TNXB: variants seen among roughly 807,000 people sequenced by gnomAD.
TNXB encodes the protein tenascin-X.
Under a neutral mutation model 340.5 loss-of-function variants are expected in TNXB, and 183 were observed. The observed-to-expected ratio is 0.54, with a 90% CI of 0.48 to 0.61. TNXB has a LOEUF of 0.61. TNXB is among the 20% of genes least tolerant of loss of function. The pLI is 0.00. For missense variants in TNXB, 4,613 were observed against 5,446.4 expected (o/e 0.85, Z 4.82); for synonymous variants, 2,121 against 2,314.5 (o/e 0.92, Z 2.40).
In TNXB at chr6:32,068,541, A is replaced by G; in HGVS notation, c.6069T>C (p.Asn2023=). The G allele has an allele frequency of 6.2e-7, 1 of 1,613,922 alleles. No homozygotes were observed. The highest frequency in any genetic ancestry group is 8.5e-7 in the Non-Finnish European group (1 of 1,179,890). Residue 2023 remains asparagine, a synonymous_variant, in exon 17 of 44, where the codon AAT becomes AAC. Coordinates refer to ENST00000644971, the MANE Select transcript of TNXB (RefSeq NM_001365276.2). This position sits in a 1 kb window ranked among gnomAD's most constrained non-coding sequence, Gnocchi z 5.3. ...QFDHFLVQYR[N]GDGQPKAVRV... Reference sequence around the variant, plus strand: ...TCACTGCCTTGGGCTGCCCATCTCCATTCCTGTACTGGACCAGGAAGTGGT... The same window carrying G: ...TCACTGCCTTGGGCTGCCCATCTCCGTTCCTGTACTGGACCAGGAAGTGGT...
At position 32,068,902 on chromosome 6, in the gene TNXB, G is replaced by A. The variant is rs1778573608; in HGVS notation, c.5822C>T (p.Ser1941Phe). 9.9e-6 allele frequency: 16 copies of A among 1,612,910 alleles called. No homozygotes were observed. Among genetic ancestry groups the A allele is most frequent in the Non-Finnish European group, 1.4e-5 (16 of 1,179,874 alleles). Reference protein sequence around the residue: ...RNDITLSGLESDHRYLVTLYG... With the variant: ...RNDITLSGLEFDHRYLVTLYG... ...CAGGGTCACCAGGTATCTGTGGTCG[G>A]ATTCCAGGCCAGAGAGGGTGATGTC... Residue 1941 changes from serine to phenylalanine, a missense_variant, in exon 16 of 44, where the codon TCC (serine) becomes TTC (phenylalanine). Physicochemically the swap from Ser to Phe is radical, Grantham distance 155 (BLOSUM62 -2). Transcript: ENST00000644971. The surrounding 1 kb of genome is among the most constrained non-coding windows in gnomAD (Gnocchi z 5.3).
At chr6:32,093,554 C>G in intron 4 of TNXB, 2 of 522,412 alleles carry the variant, frequency 3.8e-6, no homozygotes, top group Non-Finnish European at 6.9e-6. Flanking sequence ...GGCTTTAGGC[C>G]CAGGGAGTTG....
In TNXB at chr6:32,062,059, G is replaced by A; in HGVS notation, c.7168+98C>T. Reference sequence around the variant, plus strand: ...CCCCAGCCACAAGTAGGTCTGTGGTGCTGACCAGACCCGTCCCATTCCCCA... The same window carrying A: ...CCCCAGCCACAAGTAGGTCTGTGGTACTGACCAGACCCGTCCCATTCCCCA... On this transcript the variant is annotated intron_variant, in intron 20 of 43. Transcript: ENST00000644971. This position sits in a 1 kb window ranked among gnomAD's most constrained non-coding sequence, Gnocchi z 4.3. 1 of 1,430,322 alleles carries A rather than the reference G, an allele frequency of 7.0e-7. No individual in the cohort carries two copies. The allele number at this position is 1,430,322 out of a possible 1,614,324, so 88.6% of individuals were successfully genotyped here.
Position 32,042,247 on chromosome 6 carries a change from G to A in TNXB, c.12307+19C>T. 1 of 1,066,748 alleles carries A rather than the reference G, an allele frequency of 9.4e-7. No individual in the cohort carries two copies. The highest frequency in any genetic ancestry group is 1.4e-6 in the Non-Finnish European group (1 of 719,262). The allele number at this position is 1,066,748 out of a possible 1,614,324, so 66.1% of individuals were successfully genotyped here. On this transcript the variant is annotated intron_variant, in intron 41 of 43. Transcript: ENST00000644971. Reference sequence around the variant, plus strand: ...CCCCATCCCCATCCGTAGTTCCCCAGTCCCTGTGAGGCACTGACCCAGCCA... The same window carrying A: ...CCCCATCCCCATCCGTAGTTCCCCAATCCCTGTGAGGCACTGACCCAGCCA...
At position 32,064,932 on chromosome 6, in the gene TNXB, C is replaced by T. The variant is rs377071098; in HGVS notation, c.6730G>A (p.Glu2244Lys). 55 of 1,612,702 alleles carry T rather than the reference C, an allele frequency of 3.4e-5. No individual in the cohort carries two copies. Among genetic ancestry groups the T allele is most frequent in the Middle Eastern group, 1.6e-4 (1 of 6,062 alleles). The change falls in exon 19 of 44, where the codon GAG becomes AAG. Residue 2244 changes from glutamate (E) to lysine (K), a missense_variant. Coordinates refer to ENST00000644971, the MANE Select transcript of TNXB (RefSeq NM_001365276.2). The surrounding 1 kb of genome is among the most constrained non-coding windows in gnomAD (Gnocchi z 5.3). ...QPKAVRVPGH[E>K]DGVTISGLEP... ...AGGCCCGAGATGGTGACCCCATCCTCGTGTCCCGGCACCCGCACCGCCTTG... is the reference window on the plus strand; with the variant it reads ...AGGCCCGAGATGGTGACCCCATCCTTGTGTCCCGGCACCCGCACCGCCTTG...
Position 32,064,949 on chromosome 6 carries a change from A to G in TNXB, c.6713T>C (p.Val2238Ala). The G allele has an allele frequency of 6.2e-7, 1 of 1,612,768 alleles. No individual in the cohort carries two copies. Among genetic ancestry groups the G allele is most frequent in the Non-Finnish European group, 8.5e-7 (1 of 1,179,868 alleles). Residue 2238 changes from valine (V) to alanine (A), a missense_variant, in exon 19 of 44, where the codon GTG (valine) becomes GCG (alanine). Physicochemically the swap from Val to Ala is moderately conservative, Grantham distance 64 (BLOSUM62 0). Around this residue, in one of 7 missense-constraint regions of TNXB, gnomAD observed 4,327 missense variants for 4,859.4 expected, o/e 0.89. Coordinates refer to ENST00000644971, the MANE Select transcript of TNXB (RefSeq NM_001365276.2). The surrounding 1 kb of genome is among the most constrained non-coding windows in gnomAD (Gnocchi z 5.3). ...CCCATCCTCGTGTCCCGGCACCCGC[A>G]CCGCCTTGGGCTGCCCGTCCCCATT... Reference protein sequence around the residue: ...FKNGDGQPKAVRVPGHEDGVT... With the variant: ...FKNGDGQPKAARVPGHEDGVT...
chr6:32,054,745 G>T (rs1562800791), intron 24 of TNXB, among the ~76,000 whole-genome samples: 1 of 152,160 alleles, frequency 6.6e-6, no homozygotes, highest in South Asian at 2.1e-4. Flanking sequence ...ATGAACTTGT[G>T]TGTGTCACTT....
Position 32,053,673 on chromosome 6 carries a change from TG to T in TNXB, c.8505del (p.Thr2836ProfsTer15). ...EDEAETTQAV[P>X]TTTPEPPNKP... ...TTGTTGGGGGGCTCAGGGGTTGTGG[TG>T]GGCACTGCTTGGGTGGTCTCTGCTT... On this transcript the variant is annotated frameshift_variant, in exon 25 of 44. Transcript: ENST00000644971. LOFTEE classifies it high-confidence loss of function. 6.2e-7 allele frequency: 1 copy of T among 1,613,108 alleles called. No homozygotes were observed. Among genetic ancestry groups the T allele is most frequent in the Non-Finnish European group, 8.5e-7 (1 of 1,179,746 alleles).
rs1297856840 is a variant in TNXB at position 32,074,547 on chromosome 6, C to A, written c.4376-595G>T. Among the ~76,000 whole-genome samples the A allele has an allele frequency of 6.6e-6, 1 of 152,178 alleles. No homozygotes were observed. Among genetic ancestry groups the A allele is most frequent in the African/African-American group, 2.4e-5 (1 of 41,434 alleles). On this transcript the variant is annotated intron_variant, in intron 11 of 43. Transcript: ENST00000644971. This position sits in a 1 kb window ranked among gnomAD's most constrained non-coding sequence, Gnocchi z 5.5. The stretch of plus-strand genomic sequence containing the variant: ...TTTACACCCTCTGTCCAGACCTCTC[C>A]TGAACCCCAGACTAGTGTTCGTGCA...
Position 32,095,828 on chromosome 6 carries a change from A to G in TNXB, c.2025T>C (p.Gly675=). Residue 675 remains glycine (G), a synonymous_variant, in exon 3 of 44, where the codon GGT becomes GGC. Transcript: ENST00000644971. ...GAGGCTCTTCCTGCCCGCAGTCCTC[A>G]CCGCCATAGCCCACGTGGCACAGGC... The part of the protein sequence containing the change: ...GVCLCHVGYG[G]EDCGQEEPPA... 4 of 1,611,816 alleles carry G rather than the reference A, an allele frequency of 2.5e-6. No homozygotes were observed. Among genetic ancestry groups the G allele is most frequent in the Non-Finnish European group, 3.4e-6 (4 of 1,179,184 alleles).
Position 32,097,148 on chromosome 6 carries a change from G to GCACA in TNXB, c.701_704dup (p.Arg236ValfsTer26). On this transcript the variant is annotated frameshift_variant, in exon 3 of 44. Transcript: ENST00000644971. LOFTEE classifies it high-confidence loss of function. The surrounding 1 kb of genome is among the most constrained non-coding windows in gnomAD (Gnocchi z 5.9). Reference sequence around the variant, plus strand: ...AGTCGGGGCCTGAGAAGCCTGCCCGGCACACACACACGCCCTGCACGCAGC... The same window carrying GCACA: ...AGTCGGGGCCTGAGAAGCCTGCCCGGCACACACACACACACGCCCTGCACGCAGC... 6.2e-7 allele frequency: 1 copy of GCACA among 1,600,344 alleles called. No individual in the cohort carries two copies. The highest frequency in any genetic ancestry group is 8.5e-7 in the Non-Finnish European group (1 of 1,174,276).
chr6:32,048,530 A>G lies in TNXB; in HGVS notation c.9878T>C (p.Leu3293Pro), dbSNP rs1777050599. ...TVAQGPFDSF[L>P]VQYRDAQGQP... ...CCCCTGCGCGTCCCTGTACTGTACC[A>G]GGAAGGAGTCAAAGGGGCCCTGGGC... The change falls in exon 29 of 44, where the codon CTG (leucine) becomes CCG (proline). Residue 3293 changes from leucine (L) to proline (P), a missense_variant. By Grantham distance (98) the Leu-to-Pro change is moderately conservative. Coordinates refer to ENST00000644971, the MANE Select transcript of TNXB (RefSeq NM_001365276.2). 1 of 1,592,500 alleles carries G rather than the reference A, an allele frequency of 6.3e-7. No homozygotes were observed. Among genetic ancestry groups the G allele is most frequent in the Non-Finnish European group, 8.6e-7 (1 of 1,168,700 alleles).
In TNXB at chr6:32,058,184, G is replaced by A. The variant is rs1206309969; in HGVS notation, c.7699C>T (p.Arg2567Cys). 18 of 1,612,326 alleles carry A rather than the reference G, an allele frequency of 1.1e-5. No individual in the cohort carries two copies. Among genetic ancestry groups the A allele is most frequent in the Non-Finnish European group, 1.4e-5 (16 of 1,179,850 alleles). ...ACCTTGCTCTCCTGGCCCCCAACACGCACCGCCTGGGGCCGCCCGTCCCTG... is the reference window on the plus strand; with the variant it reads ...ACCTTGCTCTCCTGGCCCCCAACACACACCGCCTGGGGCCGCCCGTCCCTG... ...KDRDGRPQAV[R>C]VGGQESKVTV... is the part of the protein sequence containing the mutation. The change falls in exon 22 of 44, where the codon CGT becomes TGT. Residue 2567 changes from arginine (R) to cysteine (C), a missense_variant. Around this residue, in one of 7 missense-constraint regions of TNXB, gnomAD observed 4,327 missense variants for 4,859.4 expected, o/e 0.89. Transcript: ENST00000644971. The surrounding 1 kb of genome is among the most constrained non-coding windows in gnomAD (Gnocchi z 5.1).
In TNXB at chr6:32,046,024, C is replaced by T; in HGVS notation, c.10606+151G>A. 39 of 1,400,356 alleles carry T rather than the reference C, an allele frequency of 2.8e-5. No individual in the cohort carries two copies. The highest frequency in any genetic ancestry group is 3.5e-5 in the Non-Finnish European group (38 of 1,079,938). The allele number at this position is 1,400,356 out of a possible 1,614,324, so 86.7% of individuals were successfully genotyped here. On this transcript the variant is annotated intron_variant, in intron 31 of 43. Coordinates refer to ENST00000644971, the MANE Select transcript of TNXB (RefSeq NM_001365276.2). This position sits in a 1 kb window ranked among gnomAD's most constrained non-coding sequence, Gnocchi z 6.9. Reference sequence around the variant, plus strand: ...GGACTCCTTGATGGATGTTGAAGCCCACAGGGCTGCAGACTCCTCCTCCTT... The same window carrying T: ...GGACTCCTTGATGGATGTTGAAGCCTACAGGGCTGCAGACTCCTCCTCCTT...
At chr6:32,105,593 A>G (rs761380775) in intron 1 of TNXB, among the ~76,000 whole-genome samples, 5 of 152,208 alleles carry the variant, frequency 3.3e-5, no homozygotes, top group Admixed American at 6.5e-5. Context: ...CAGGACTAGC[A>G]TTAAGGCTGG....
intron 1 of TNXB, among the ~76,000 whole-genome samples, chr6:32,103,475 A>G (rs1466090147): frequency 2.0e-5 from 3 of 150,544 alleles, no homozygotes; most frequent in Non-Finnish European, 3.0e-5. Flanking sequence ...CCCCAATCTC[A>G]CACCCCCTCC....
chr6:32,100,391 C>T (rs1414139284), intron 1 of TNXB, among the ~76,000 whole-genome samples: 1 of 152,178 alleles, frequency 6.6e-6, no homozygotes, highest in East Asian at 1.9e-4. Flanking sequence ...AGGCTTGAGT[C>T]ACTGCACCCA....
intron 21 of TNXB, among the ~76,000 whole-genome samples, chr6:32,060,406 G>C (rs1777938359): frequency 6.8e-6 from 1 of 146,582 alleles, no homozygotes; most frequent in African/African-American, 2.5e-5. Context: ...GGAGTGTAAA[G>C]AAGGAGAAGA....
Position 32,061,073 on chromosome 6 carries a change from G to T in TNXB, c.7492+324C>A, listed in dbSNP as rs959049644. ...TCCCAACGTGGTTTGACGTTGGATT[G>T]TTCCTCTTGTGTGCATTTGTGTATG... On this transcript the variant is annotated intron_variant, in intron 21 of 43. Coordinates refer to ENST00000644971, the MANE Select transcript of TNXB (RefSeq NM_001365276.2). This position sits in a 1 kb window ranked among gnomAD's most constrained non-coding sequence, Gnocchi z 4.4. Among the ~76,000 whole-genome samples the T allele has an allele frequency of 6.6e-6, 1 of 151,946 alleles. No individual in the cohort carries two copies. Among genetic ancestry groups the T allele is most frequent in the African/African-American group, 2.4e-5 (1 of 41,186 alleles).
Sources: gnomAD v4.1 joint callset for allele counts (sites outside exome capture counted in the v4.1 genomes callset) on GRCh38, gnomAD v4.1.1 for gene constraint, gnomAD v4.1.1 regional missense constraint, Gnocchi (gnomAD v3.1) non-coding constraint, MANE v1.5 for transcripts, NCBI Gene and HGNC (gene_info 2026-07-23, HGNC 2026-07-21) for gene names.